TG: variants seen among roughly 807,000 people sequenced by gnomAD.
TG encodes thyroid hormones.
Under a neutral mutation model 324.7 loss-of-function variants are expected in TG, and 270 were observed. The ratio of observed to expected loss-of-function variants is 0.83; its 90% CI spans 0.75 to 0.92. The LOEUF is 0.92. TG is among the 40% of genes least tolerant of loss of function. The pLI is 0.00. For synonymous variants in TG, 1,401 were observed against 1,327.0 expected, an observed-to-expected ratio of 1.06 and a Z score of -1.21; for missense variants, 3,591 against 3,456.4, an observed-to-expected ratio of 1.04 and a Z score of -0.98.
chr8:132,903,306 C>T (rs892952930), intron 16 of TG, among the ~76,000 whole-genome samples: 2 of 152,134 alleles, frequency 1.3e-5, no homozygotes, highest in East Asian at 3.9e-4. Flanking sequence ...GGTAGATGCT[C>T]ACTTGCTCTT....
At chr8:133,028,787 A>C (rs1382117891) in intron 40 of TG, among the ~76,000 whole-genome samples, 1 of 152,160 alleles carries the variant, frequency 6.6e-6, no homozygotes, top group Non-Finnish European at 1.5e-5. Context: ...TAGACTGGGG[A>C]ATCAGGATGC....
At position 133,017,822 on chromosome 8, in the gene TG, A is replaced by G. The variant is rs1425541764; in HGVS notation, c.6607A>G (p.Ile2203Val). The change falls in exon 38 of 48, where the codon ATT becomes GTT. Residue 2203 changes from isoleucine to valine, a missense_variant. Ile to Val is a conservative substitution (Grantham distance 29). Transcript: ENST00000220616. ...TGAGGCATCTGTACCTTCTGTGCCC[A>G]TTTCCACCCATGGCCGGCTGCTGGG... The part of the protein sequence containing the change: ...SYEASVPSVP[I>V]STHGRLLGRS... The G allele has an allele frequency of 6.2e-7, 1 of 1,614,080 alleles. No homozygotes were observed. The highest frequency in any genetic ancestry group is 1.1e-5 in the South Asian group (1 of 91,076).
At chr8:132,993,260 C>G (rs1587709615) in intron 35 of TG, among the ~76,000 whole-genome samples, 2 of 152,244 alleles carry the variant, frequency 1.3e-5, no homozygotes, top group Non-Finnish European at 2.9e-5. Context: ...GAATGAATAA[C>G]AGAATGAAAA....
intron 45 of TG, among the ~76,000 whole-genome samples, chr8:133,119,066 C>G (rs1350170590): frequency 6.6e-6 from 1 of 152,068 alleles, no homozygotes; most frequent in African/African-American, 2.4e-5. Flanking sequence ...GGAGTGTGGC[C>G]CTGCTGTCAC....
At chr8:133,010,753 T>C (rs1047109227) in intron 35 of TG, among the ~76,000 whole-genome samples, 2 of 152,186 alleles carry the variant, frequency 1.3e-5, no homozygotes, top group African/African-American at 4.8e-5. Context: ...GCACGGCCCT[T>C]GCACCAGATG....
chr8:132,998,421 AG>A (rs1833094922), intron 35 of TG, among the ~76,000 whole-genome samples: 1 of 152,174 alleles, frequency 6.6e-6, no homozygotes. Flanking sequence ...CAGGTTGTAA[AG>A]GCACCAGTGT....
intron 41 of TG, among the ~76,000 whole-genome samples, chr8:133,041,435 A>G (rs1010100868): frequency 6.6e-6 from 1 of 152,248 alleles, no homozygotes; most frequent in African/African-American, 2.4e-5. Flanking sequence ...CCACCCACAC[A>G]GGTGCCCTTG....
At position 132,910,557 on chromosome 8, in the gene TG, AGCCCTCATGAATGGGGTTAGT is replaced by A. The variant is rs562943205; in HGVS notation, c.4003-818_4003-798del. Among the ~76,000 whole-genome samples the A allele has an allele frequency of 1.9e-4, 28 of 151,338 alleles. No individual in the cohort carries two copies. The East Asian group carries it at 5.5e-3, about 30-fold the overall frequency. ...ACTTTGTGTTAGGTCATGAGGGTGC[AGCCCTCATGAATGGGGTTAGT>A]GTCCTTATAAAAGAGACCCAGAGAG... is the stretch of plus-strand genomic sequence containing the variant. On this transcript the variant is annotated intron_variant, in intron 18 of 47. Transcript: ENST00000220616.
rs1287759338 is a variant in TG, at chr8:132,886,586, C to T, written c.1214C>T (p.Ala405Val). 6.2e-7 allele frequency: 1 copy of T among 1,614,188 alleles called. No homozygotes were observed. The highest frequency in any genetic ancestry group is 2.2e-5 in the East Asian group (1 of 44,876). The change falls in exon 9 of 48, where the codon GCC becomes GTC. Residue 405 changes from alanine (A) to valine (V), a missense_variant. By Grantham distance (64) the Ala-to-Val change is moderately conservative. Transcript: ENST00000220616. ...GCCTCTCCAAGAGTAGCCAGATTTG[C>T]CACATCCTGCCCACCCACGATCAAG... is the stretch of plus-strand genomic sequence containing the variant. ...RWASPRVARF[A>V]TSCPPTIKEL...
chr8:132,902,004 A>G (rs1387923903), intron 16 of TG, among the ~76,000 whole-genome samples: 1 of 152,226 alleles, frequency 6.6e-6, no homozygotes, highest in Non-Finnish European at 1.5e-5. Flanking sequence ...ACATCACATC[A>G]ATATATAGAA....
At chr8:133,004,217 C>G (rs1833823447) in intron 35 of TG, among the ~76,000 whole-genome samples, 1 of 152,166 alleles carries the variant, frequency 6.6e-6, no homozygotes, top group Admixed American at 6.5e-5. Context: ...TGAGCTACTC[C>G]TACTCACTGA....
chr8:133,045,638 G>C (rs150889921), intron 41 of TG, among the ~76,000 whole-genome samples: 1 of 151,920 alleles, frequency 6.6e-6, no homozygotes. Context: ...CAAGTGATCC[G>C]CCCACCTCGG....
chr8:133,120,342 C>T (rs1404068586), intron 45 of TG, among the ~76,000 whole-genome samples: 2 of 152,184 alleles, frequency 1.3e-5, no homozygotes, highest in African/African-American at 4.8e-5. Context: ...GCATTCATAT[C>T]ATTGCTGTGA....
At chr8:132,939,045 C>CAA (rs36002632) in intron 25 of TG, among the ~76,000 whole-genome samples, 1,368 of 67,552 alleles carry the variant, frequency 0.02, 52 homozygotes, top group African/African-American at 0.072. Context: ...GCAGGAGTCT[C>CAA]AAAAAAAAAA....
intron 45 of TG, among the ~76,000 whole-genome samples, chr8:133,126,262 G>A (rs1851509603): frequency 1.3e-5 from 2 of 152,126 alleles, no homozygotes; most frequent in Admixed American, 1.3e-4. Context: ...TCCAGTCTGG[G>A]ATCCATGAAA....
chr8:133,071,261 TTG>T (rs1357276943), intron 41 of TG, among the ~76,000 whole-genome samples: 1 of 152,222 alleles, frequency 6.6e-6, no homozygotes, highest in Non-Finnish European at 1.5e-5. Flanking sequence ...CTGAGGCCTT[TTG>T]TCTAACCGGG....
At position 132,969,559 on chromosome 8, in the gene TG, A is replaced by T; in HGVS notation, c.5965A>T (p.Ile1989Phe). 2 of 1,603,922 alleles carry T rather than the reference A, an allele frequency of 1.2e-6. No individual in the cohort carries two copies. Among genetic ancestry groups the T allele is most frequent in the South Asian group, 1.1e-5 (1 of 90,916 alleles). The change falls in exon 32 of 48, where the codon ATT (isoleucine) becomes TTT (phenylalanine). Residue 1989 changes from isoleucine (I) to phenylalanine (F), a missense_variant. By Grantham distance (21) the Ile-to-Phe change is conservative. Coordinates refer to ENST00000220616, the MANE Select transcript of TG (RefSeq NM_003235.5). Reference sequence around the variant, plus strand: ...TAAAGTGCCCATGTCTGAAAAATCTATTTCTAATGGGTAAGCTACTTGTGT... The same window carrying T: ...TAAAGTGCCCATGTCTGAAAAATCTTTTTCTAATGGGTAAGCTACTTGTGT... ...RNKVPMSEKS[I>F]SNGFFECERR... is the part of the protein sequence containing the mutation.
chr8:133,092,265 G>T (rs1271219800), intron 41 of TG, among the ~76,000 whole-genome samples: 3 of 152,210 alleles, frequency 2.0e-5, no homozygotes, highest in African/African-American at 7.2e-5. Flanking sequence ...CAACTACAGT[G>T]ACTAACTGAG....
At chr8:132,906,626 G>T in intron 16 of TG, 62 bp from the exon 17 acceptor site, 2 of 1,586,676 alleles carry the variant, frequency 1.3e-6, no homozygotes, top group Non-Finnish European at 1.7e-6. Flanking sequence ...CCACAAGCAG[G>T]CATGCTCAGT....
Sources: gnomAD v4.1 joint callset for allele counts (sites outside exome capture counted in the v4.1 genomes callset) on GRCh38, gnomAD v4.1.1 for gene constraint, MANE v1.5 for transcripts, NCBI Gene and HGNC (gene_info 2026-07-23, HGNC 2026-07-21) for gene names.